The following PDE8A variants were observed in gnomAD, a reference collection of about 807,000 sequenced individuals.
PDE8A encodes phosphodiesterase 8A, also known as high affinity cAMP-specific and IBMX-insensitive 3',5'-cyclic phosphodiesterase 8A.
In PDE8A, 59 loss-of-function variants were observed where a neutral mutation model predicts 105.0. The ratio of observed to expected loss-of-function variants is 0.56; its 90% CI spans 0.46 to 0.70. The LOEUF (loss-of-function observed/expected upper bound fraction) is 0.70. PDE8A is among the 30% of genes least tolerant of loss of function. PDE8A has a pLI of 0.00. For missense variants in PDE8A, 1,014 were observed against 1,045.9 expected (o/e 0.97, Z 0.42); for synonymous variants, 355 against 371.9 (o/e 0.95, Z 0.52).
intron 20 of PDE8A, among the ~76,000 whole-genome samples, chr15:85,129,032 C>T (rs997070838): frequency 7.2e-5 from 11 of 152,008 alleles, no homozygotes; most frequent in African/African-American, 2.7e-4. Flanking sequence ...GTTTTCTTCC[C>T]TTCATTCTCT....
At chr15:85,037,997 A>G (rs1310258184) in intron 1 of PDE8A, among the ~76,000 whole-genome samples, 1 of 152,246 alleles carries the variant, frequency 6.6e-6, no homozygotes, top group Non-Finnish European at 1.5e-5. Flanking sequence ...CTCTTGAAAT[A>G]GAAGATACTT....
intron 6 of PDE8A, among the ~76,000 whole-genome samples, chr15:85,088,256 C>T (rs542425514): frequency 1.3e-5 from 2 of 152,304 alleles, no homozygotes; most frequent in African/African-American, 4.8e-5. Context: ...AACTGCTGAC[C>T]TCAGGTGATC....
At chr15:85,007,081 A>G (rs147032071) in intron 1 of PDE8A, among the ~76,000 whole-genome samples, 1 of 152,324 alleles carries the variant, frequency 6.6e-6, no homozygotes, top group African/African-American at 2.4e-5. Context: ...TTGATCTGGA[A>G]TTGGAGTTTT....
chr15:85,108,446 A>G (rs557602238), intron 11 of PDE8A, among the ~76,000 whole-genome samples: 1 of 152,176 alleles, frequency 6.6e-6, no homozygotes, highest in Non-Finnish European at 1.5e-5. Flanking sequence ...AAGGTAAGTC[A>G]GAGTTGCCTT....
intron 1 of PDE8A, chr15:85,063,180 C>G (rs1461753117): frequency 6.6e-6 from 1 of 152,166 alleles, no homozygotes; most frequent in Non-Finnish European, 1.5e-5. Flanking sequence ...TAGACATCAG[C>G]TTCTCATGGT....
At chr15:85,082,410 T>C (rs1474130711) in intron 5 of PDE8A, among the ~76,000 whole-genome samples, 1 of 152,172 alleles carries the variant, frequency 6.6e-6, no homozygotes, top group Non-Finnish European at 1.5e-5. Context: ...GTGACCTTCA[T>C]TGGGTAGGAA....
Position 85,067,164 on chromosome 15 carries a change from C to A in PDE8A, c.394C>A (p.His132Asn). Residue 132 changes from histidine to asparagine, a missense_variant, in exon 3 of 22, where the codon CAC becomes AAC. By Grantham distance (68) the His-to-Asn change is moderately conservative. Coordinates refer to ENST00000394553, the MANE Select transcript of PDE8A (RefSeq NM_002605.3). ...DKHHDIIIID[H>N]RNPRQLDAEA... ...ACATCATGACATTATCATCATAGAC[C>A]ACAGAAATCCTCGACAGCTGGATGC... 6.2e-7 allele frequency: 1 copy of A among 1,613,888 alleles called. No homozygotes were observed.
At chr15:85,109,670 G>A (rs900592484) in intron 12 of PDE8A, among the ~76,000 whole-genome samples, 2 of 152,218 alleles carry the variant, frequency 1.3e-5, no homozygotes, top group Non-Finnish European at 2.9e-5. Context: ...GCTGCTAGCT[G>A]TATACATTCT....
At chr15:85,114,127 G>C (rs926551755) in intron 14 of PDE8A, 90 bp downstream of exon 14, 1 of 1,109,640 alleles carries the variant, frequency 9.0e-7, no homozygotes, top group African/African-American at 1.5e-5. Context: ...TATTGAAGAG[G>C]CAGGCAGGGC....
At chr15:85,091,901 C>CTTTTTTTTTTTTTTTTTTT (rs563631633) in intron 8 of PDE8A, among the ~76,000 whole-genome samples, 9 of 88,416 alleles carry the variant, frequency 1.0e-4, no homozygotes, top group Admixed American at 1.4e-4. Flanking sequence ...TTCTGCTGGA[C>CTTTTTTTTTTTTTTTTTTT]TTTTTTTTTT....
At chr15:84,998,511 C>T (rs373297205) in intron 1 of PDE8A, among the ~76,000 whole-genome samples, 3 of 152,180 alleles carry the variant, frequency 2.0e-5, no homozygotes, top group African/African-American at 7.2e-5. Flanking sequence ...CAAAATGGCT[C>T]TGTTTTCATT....
At chr15:85,083,808 A>T (rs541197666) in intron 6 of PDE8A, among the ~76,000 whole-genome samples, 164 bp downstream of exon 6, 5 of 152,326 alleles carry the variant, frequency 3.3e-5, no homozygotes, top group African/African-American at 1.2e-4. Context: ...GTCTGCCTGG[A>T]TGTCTAATAA....
chr15:85,019,621 A>G (rs1054801619), intron 1 of PDE8A, among the ~76,000 whole-genome samples: 17 of 151,898 alleles, frequency 1.1e-4, no homozygotes, highest in African/African-American at 4.1e-4. Flanking sequence ...CGCTCTTGTC[A>G]CCCAGGCTGG....
intron 20 of PDE8A, among the ~76,000 whole-genome samples, chr15:85,131,032 C>G (rs912887462): frequency 6.6e-6 from 1 of 152,318 alleles, no homozygotes; most frequent in Non-Finnish European, 1.5e-5. Context: ...GCTGAGATTA[C>G]AGGCCTGAGC....
intron 1 of PDE8A, among the ~76,000 whole-genome samples, chr15:85,012,349 C>T (rs1398154494): frequency 6.6e-6 from 1 of 152,002 alleles, no homozygotes; most frequent in Non-Finnish European, 1.5e-5. Context: ...ACATATACAC[C>T]ATGGAATACT....
chr15:85,032,931 C>G (rs923521891), intron 1 of PDE8A, among the ~76,000 whole-genome samples: 21 of 152,042 alleles, frequency 1.4e-4, no homozygotes, highest in African/African-American at 4.8e-4. Context: ...TTTTTTAAGC[C>G]ATTTTGTTTA....
chr15:85,008,787 C>A (rs546401728), intron 1 of PDE8A, among the ~76,000 whole-genome samples: 2 of 152,308 alleles, frequency 1.3e-5, no homozygotes, highest in East Asian at 3.9e-4. Flanking sequence ...TTGCCCCTGT[C>A]TGCTGAGCCA....
intron 1 of PDE8A, among the ~76,000 whole-genome samples, chr15:85,022,772 C>T (rs1413559516): frequency 3.3e-5 from 5 of 151,854 alleles, no homozygotes; most frequent in South Asian, 4.1e-4. Flanking sequence ...AGGCTAGTTT[C>T]GAACTCCTGA....
chr15:85,061,793 G>GT (rs1050864270), intron 1 of PDE8A, among the ~76,000 whole-genome samples: 4 of 152,010 alleles, frequency 2.6e-5, no homozygotes, highest in African/African-American at 2.4e-5. Context: ...TTTTTTAAAG[G>GT]TTTTTTCTCT....
Sources: allele counts gnomAD v4.1 joint callset (sites outside exome capture counted in the v4.1 genomes callset), GRCh38; gene constraint gnomAD v4.1.1; transcripts MANE v1.5; gene names NCBI Gene and HGNC (gene_info 2026-07-23, HGNC 2026-07-21).